Variants in ITSN1 observed in about 807,000 individuals in gnomAD.
The protein encoded by ITSN1 is intersectin 1, also known as intersectin-1.
In ITSN1, 58 loss-of-function variants were observed where a neutral mutation model predicts 239.8. The observed-to-expected ratio is 0.24, with a 90% confidence interval of 0.20 to 0.30. ITSN1 has a LOEUF of 0.30. Ranked by LOEUF, ITSN1 falls within the 10% of genes least tolerant of loss-of-function variation. The pLI, the probability that ITSN1 is intolerant of heterozygous loss-of-function variation, is 1.00. For missense variants in ITSN1, 1,558 were observed against 2,103.3 expected (o/e 0.74, Z 5.07); for synonymous variants, 780 against 770.8 (o/e 1.01, Z -0.20).
At chr21:33,853,618 C>T (rs1022519231) in intron 29 of ITSN1, among the ~76,000 whole-genome samples, 6 of 152,212 alleles carry the variant, frequency 3.9e-5, no homozygotes, top group African/African-American at 9.7e-5. Context: ...GCTGGTCCCT[C>T]GCACCTCCAT....
intron 11 of ITSN1, among the ~76,000 whole-genome samples, chr21:33,771,393 A>T (rs1341184760): frequency 6.6e-6 from 1 of 152,226 alleles, no homozygotes; most frequent in Non-Finnish European, 1.5e-5. Flanking sequence ...GCCAACACAG[A>T]AATGAAATAG....
At chr21:33,885,401 T>C in intron 37 of ITSN1, 38 bp from the exon 38 acceptor site, 3 of 1,576,636 alleles carry the variant, frequency 1.9e-6, no homozygotes, top group Non-Finnish European at 2.6e-6. Flanking sequence ...GTGTGGCACG[T>C]TCAAATGAAG....
intron 29 of ITSN1, among the ~76,000 whole-genome samples, chr21:33,840,778 G>A (rs528267115): frequency 4.6e-5 from 7 of 152,332 alleles, no homozygotes; most frequent in South Asian, 4.1e-4. Flanking sequence ...GATTACAGGC[G>A]TGAGCCACTG....
intron 28 of ITSN1, among the ~76,000 whole-genome samples, chr21:33,835,685 C>T (rs1255972246): frequency 1.3e-5 from 2 of 152,210 alleles, no homozygotes; most frequent in Non-Finnish European, 2.9e-5. Context: ...AATCCCAGCA[C>T]TTTGGGAGGC....
intron 1 of ITSN1, among the ~76,000 whole-genome samples, chr21:33,718,323 G>A (rs559090432): frequency 2.6e-4 from 39 of 152,262 alleles, no homozygotes; most frequent in Admixed American, 1.3e-3. Context: ...TCAGCCCTCC[G>A]TATCCATGGG....
At chr21:33,781,270 A>G (rs1451364317) in intron 14 of ITSN1, among the ~76,000 whole-genome samples, 191 bp from the exon 15 acceptor site, 1 of 152,210 alleles carries the variant, frequency 6.6e-6, no homozygotes, top group Admixed American at 6.5e-5. Context: ...GTGTAGGGAA[A>G]AGCATTTGGC....
chr21:33,801,570 C>T (rs1328359391), intron 19 of ITSN1, among the ~76,000 whole-genome samples: 1 of 152,146 alleles, frequency 6.6e-6, no homozygotes, highest in Non-Finnish European at 1.5e-5. Flanking sequence ...TCAAGTGATC[C>T]TCCTGCCTCA....
chr21:33,745,781 C>A (rs2067142965), intron 5 of ITSN1, among the ~76,000 whole-genome samples: 1 of 152,174 alleles, frequency 6.6e-6, no homozygotes, highest in South Asian at 2.1e-4. Context: ...AACTCGTGGT[C>A]ATGGCCAGGG....
chr21:33,665,592 G>T (rs2089878595), intron 1 of ITSN1, among the ~76,000 whole-genome samples: 1 of 152,120 alleles, frequency 6.6e-6, no homozygotes, highest in South Asian at 2.1e-4. Flanking sequence ...TCCTCAATTA[G>T]ATAGATACAG....
chr21:33,716,935 CAA>C (rs796595572), intron 1 of ITSN1, among the ~76,000 whole-genome samples: 7 of 97,678 alleles, frequency 7.2e-5, no homozygotes, highest in Admixed American at 1.1e-4. Flanking sequence ...GACTCCGTCT[CAA>C]AAAAAAAAAA....
rs1986512312 is a variant in ITSN1, at chr21:33,893,620, C to G, written c.*5320C>G. On this transcript the variant is annotated 3_prime_UTR_variant, in exon 40 of 40. Transcript: ENST00000381318. Reference sequence around the variant, plus strand: ...AAACAAAAAAAGAGCTAATGCAGACCTCTTCTGGTTAGACCTGACACGGAG... The same window carrying G: ...AAACAAAAAAAGAGCTAATGCAGACGTCTTCTGGTTAGACCTGACACGGAG... The G allele has an allele frequency of 6.6e-6, 1 of 152,164 alleles. No individual in the cohort carries two copies. Among genetic ancestry groups the G allele is most frequent in the Non-Finnish European group, 1.5e-5 (1 of 68,040 alleles). The allele number at this position is 152,164 out of a possible 1,614,324, so 9.4% of individuals were successfully genotyped here. A position where few individuals can be genotyped will look rare whatever the true frequency, so the allele number is the denominator to read the frequency against.
chr21:33,881,083 G>A (rs1451669568), intron 34 of ITSN1, among the ~76,000 whole-genome samples: 1 of 152,142 alleles, frequency 6.6e-6, no homozygotes, highest in Non-Finnish European at 1.5e-5. Flanking sequence ...TACAGTGTCT[G>A]TTCTGTTTGG....
intron 4 of ITSN1, among the ~76,000 whole-genome samples, chr21:33,726,939 A>G (rs1183024893): frequency 6.6e-6 from 1 of 152,222 alleles, no homozygotes; most frequent in African/African-American, 2.4e-5. Context: ...GATGGACAGT[A>G]TATGTTAGAA....
intron 16 of ITSN1, among the ~76,000 whole-genome samples, chr21:33,791,209 T>C (rs1000626332): frequency 6.6e-6 from 1 of 152,244 alleles, no homozygotes; most frequent in Non-Finnish European, 1.5e-5. Context: ...TGCCTGCCTC[T>C]GGGCAGCATG....
At chr21:33,809,426 C>T (rs892189767) in intron 20 of ITSN1, among the ~76,000 whole-genome samples, 5 of 152,180 alleles carry the variant, frequency 3.3e-5, no homozygotes, top group Admixed American at 3.3e-4. Context: ...CCTTGCCTTG[C>T]ATTCTGTTTT....
chr21:33,834,443 C>G lies in ITSN1; in HGVS notation c.3469+19C>G, dbSNP rs376322730. On this transcript the variant is annotated intron_variant, in intron 28 of 39. Transcript: ENST00000381318. The stretch of plus-strand genomic sequence containing the variant: ...GCGGCAGGTAAGGAGTTTCGCATCT[C>G]TAACTGGAAGATGGTCTGCATGCCA... The G allele has an allele frequency of 2.0e-6, 3 of 1,516,352 alleles. No homozygotes were observed. The highest frequency in any genetic ancestry group is 1.8e-6 in the Non-Finnish European group (2 of 1,097,510). The allele number at this position is 1,516,352 out of a possible 1,614,324, so 93.9% of individuals were successfully genotyped here. A position where few individuals can be genotyped will look rare whatever the true frequency, so the allele number is the denominator to read the frequency against.
intron 29 of ITSN1, among the ~76,000 whole-genome samples, chr21:33,851,054 G>C (rs1049899111): frequency 6.6e-6 from 1 of 152,180 alleles, no homozygotes; most frequent in African/African-American, 2.4e-5. Flanking sequence ...AAAGATGAAA[G>C]CCATCGCCCG....
chr21:33,848,958 T>G (rs550859329), intron 29 of ITSN1, among the ~76,000 whole-genome samples: 1 of 152,318 alleles, frequency 6.6e-6, no homozygotes, highest in African/African-American at 2.4e-5. Flanking sequence ...ACCTAGTATT[T>G]GGCCGAGTGT....
intron 1 of ITSN1, among the ~76,000 whole-genome samples, chr21:33,715,112 A>G (rs1302499614): frequency 1.3e-5 from 2 of 152,146 alleles, no homozygotes; most frequent in Non-Finnish European, 2.9e-5. Flanking sequence ...CAACAAACCA[A>G]CCTATTAAAA....
Sources: gnomAD v4.1 joint callset for allele counts (sites outside exome capture counted in the v4.1 genomes callset) on GRCh38, gnomAD v4.1.1 for gene constraint, MANE v1.5 for transcripts, NCBI Gene and HGNC (gene_info 2026-07-23, HGNC 2026-07-21) for gene names.